The following CDKAL1 variants were observed in gnomAD, a reference collection of about 807,000 sequenced individuals.
CDKAL1 encodes CDKAL1 threonylcarbamoyladenosine tRNA methylthiotransferase.
In CDKAL1, 32 loss-of-function variants were observed where a neutral mutation model predicts 68.2. The ratio of observed to expected loss-of-function variants is 0.47; its 90% CI spans 0.35 to 0.63. The LOEUF (loss-of-function observed/expected upper bound fraction) is 0.63, where lower values mean the gene tolerates loss of function less well. CDKAL1 is among the 30% of genes least tolerant of loss of function. CDKAL1 has a pLI of 0.00. For missense variants in CDKAL1, 606 were observed against 696.7 expected (o/e 0.87, Z 1.47); for synonymous variants, 234 against 244.3 (o/e 0.96, Z 0.39).
chr6:20,640,334 C>G (rs1015631940), intron 4 of CDKAL1, among the ~76,000 whole-genome samples: 3 of 152,176 alleles, frequency 2.0e-5, no homozygotes, highest in Non-Finnish European at 4.4e-5. Context: ...GGTTGATTTT[C>G]AAATGGAACT....
chr6:20,855,662 G>A (rs1423419746), intron 9 of CDKAL1, among the ~76,000 whole-genome samples: 1 of 151,990 alleles, frequency 6.6e-6, no homozygotes, highest in African/African-American at 2.4e-5. Flanking sequence ...CATTTTGTGA[G>A]GTGGTATAGC....
intron 12 of CDKAL1, 113 bp downstream of exon 12, chr6:21,065,341 T>G: frequency 1.2e-6 from 1 of 835,600 alleles, no homozygotes; most frequent in Non-Finnish European, 1.8e-6. Flanking sequence ...TTACAAAATA[T>G]GGAGAGATTT....
At chr6:21,211,924 A>AT (rs917290526) in intron 15 of CDKAL1, among the ~76,000 whole-genome samples, 32 of 149,856 alleles carry the variant, frequency 2.1e-4, no homozygotes, top group Admixed American at 3.3e-4. Context: ...TGCCTGGCTA[A>AT]TTTTTTTTTT....
intron 5 of CDKAL1, among the ~76,000 whole-genome samples, chr6:20,655,437 AC>A (rs1581905545): frequency 6.6e-6 from 1 of 152,096 alleles, no homozygotes; most frequent in African/African-American, 2.4e-5. Flanking sequence ...GGGGTCTCCA[AC>A]CCCTGGGCTG....
In CDKAL1 at chr6:21,069,804, T is replaced by TTTTTAAAA. The variant is rs60342057; in HGVS notation, c.1236+4576_1236+4577insTTTTAAAA. 8.3e-4 allele frequency among the ~76,000 whole-genome samples: 71 copies of TTTTTAAAA among 85,514 alleles called. 9 individuals are homozygous for TTTTTAAAA. The highest frequency in any genetic ancestry group is 4.1e-3 in the East Asian group (10 of 2,468). The allele number at this position is 85,514 out of a possible 152,430, so 56.1% of individuals were successfully genotyped here. On this transcript the variant is annotated intron_variant, in intron 12 of 15. Transcript: ENST00000274695. ...TTTTTTTTTTTTTTTTTTTTTTTTT[T>TTTTTAAAA]AAAACAGAGCCTTGCTCTGTCACCC...
chr6:20,855,737 TTTTC>T (rs1276493925), intron 9 of CDKAL1, among the ~76,000 whole-genome samples: 1 of 152,210 alleles, frequency 6.6e-6, no homozygotes, highest in Non-Finnish European at 1.5e-5. Context: ...TAAATTTTTC[TTTTC>T]TTTGTGTATG....
intron 4 of CDKAL1, among the ~76,000 whole-genome samples, chr6:20,642,899 A>AAACAACAAC (rs79933332): frequency 1.5e-4 from 22 of 150,430 alleles, no homozygotes; most frequent in African/African-American, 4.4e-4. Flanking sequence ...ACTTTGTCTC[A>AAACAACAAC]AACAACAACA....
chr6:20,787,051 C>T (rs1775707459), intron 8 of CDKAL1, among the ~76,000 whole-genome samples: 2 of 152,000 alleles, frequency 1.3e-5, no homozygotes, highest in African/African-American at 4.8e-5. Context: ...TCAGATTATC[C>T]TTAGCTTGAA....
At chr6:20,585,764 C>T (rs1435011925) in intron 4 of CDKAL1, among the ~76,000 whole-genome samples, 1 of 152,180 alleles carries the variant, frequency 6.6e-6, no homozygotes, top group African/African-American at 2.4e-5. Context: ...AATGTTGGAG[C>T]ATCCCCAAGG....
chr6:20,667,062 A>T (rs1033529818), intron 5 of CDKAL1, among the ~76,000 whole-genome samples: 6 of 152,186 alleles, frequency 3.9e-5, no homozygotes, highest in African/African-American at 1.4e-4. Context: ...TTTGGCAGCA[A>T]ATATCCATTG....
intron 4 of CDKAL1, among the ~76,000 whole-genome samples, chr6:20,609,235 TCTTC>T (rs1356441132): frequency 2.7e-5 from 4 of 145,504 alleles, no homozygotes; most frequent in Non-Finnish European, 4.5e-5. Context: ...CTTTCTTCCT[TCTTC>T]CTTCCTTCTT....
chr6:21,215,888 A>G (rs111980968), intron 15 of CDKAL1, among the ~76,000 whole-genome samples: 9 of 152,282 alleles, frequency 5.9e-5, no homozygotes, highest in African/African-American at 2.2e-4. Flanking sequence ...AGGGTTGCAT[A>G]TGGAATTAAA....
intron 8 of CDKAL1, among the ~76,000 whole-genome samples, chr6:20,829,526 A>G (rs1430763280): frequency 6.6e-6 from 1 of 152,202 alleles, no homozygotes; most frequent in African/African-American, 2.4e-5. Flanking sequence ...GGTAGATGCA[A>G]TGCAAGGCAT....
chr6:21,214,891 ATG>A (rs1245226354), intron 15 of CDKAL1, among the ~76,000 whole-genome samples: 1 of 152,066 alleles, frequency 6.6e-6, no homozygotes, highest in East Asian at 1.9e-4. Context: ...GAATGAATGA[ATG>A]AATGAATGAA....
At chr6:20,758,556 G>C (rs765821380) in intron 6 of CDKAL1, 39 bp from the exon 7 acceptor site, 28 of 1,579,756 alleles carry the variant, frequency 1.8e-5, no homozygotes, top group Non-Finnish European at 2.4e-5. Flanking sequence ...TTGTTTCTTC[G>C]TGTAAATTAC....
At chr6:21,076,487 G>A (rs575362786) in intron 12 of CDKAL1, among the ~76,000 whole-genome samples, 30 of 152,114 alleles carry the variant, frequency 2.0e-4, no homozygotes, top group South Asian at 8.3e-4. Flanking sequence ...TAATCCTTAC[G>A]TTTAACAACT....
chr6:20,598,999 T>A (rs1441705072), intron 4 of CDKAL1, among the ~76,000 whole-genome samples: 1 of 152,068 alleles, frequency 6.6e-6, no homozygotes, highest in Admixed American at 6.5e-5. Flanking sequence ...TGGTGTATTG[T>A]TATATCATTT....
At position 21,142,487 on chromosome 6, in the gene CDKAL1, C is replaced by A. The variant is rs536714914; in HGVS notation, c.1299+34024C>A. 3.9e-5 allele frequency among the ~76,000 whole-genome samples: 6 copies of A among 152,210 alleles called. No homozygotes were observed. In the South Asian group the frequency reaches 1.2e-3, roughly 32 times the overall value. Reference sequence around the variant, plus strand: ...GGTGGCCACCAATGTACCCTCCATTCTGATGATGATGAGCTCAAGAACTAA... The same window carrying A: ...GGTGGCCACCAATGTACCCTCCATTATGATGATGATGAGCTCAAGAACTAA... On this transcript the variant is annotated intron_variant, in intron 13 of 15. Transcript: ENST00000274695.
intron 9 of CDKAL1, among the ~76,000 whole-genome samples, chr6:20,946,354 C>T (rs1764236245): frequency 6.6e-6 from 1 of 152,160 alleles, no homozygotes; most frequent in Non-Finnish European, 1.5e-5. Flanking sequence ...AGCAAATCTG[C>T]ATGGCTTAGT....
Sources: gnomAD v4.1 joint callset for allele counts (sites outside exome capture counted in the v4.1 genomes callset) on GRCh38, gnomAD v4.1.1 for gene constraint, MANE v1.5 for transcripts, NCBI Gene and HGNC (gene_info 2026-07-23, HGNC 2026-07-21) for gene names.